Variants in KCNH5 observed in about 807,000 individuals in gnomAD.
The protein encoded by KCNH5 is voltage-gated delayed rectifier potassium channel KCNH5.
In KCNH5, 46 loss-of-function variants were observed where a neutral mutation model predicts 96.1. The ratio of observed to expected loss-of-function variants is 0.48; its 90% confidence interval spans 0.38 to 0.61. The LOEUF (loss-of-function observed/expected upper bound fraction) is 0.61. Ranked by LOEUF, KCNH5 falls within the 20% of genes least tolerant of loss-of-function variation. The pLI is 0.00. For synonymous variants in KCNH5, 439 were observed against 449.8 expected (o/e 0.98, Z 0.30); for missense variants, 907 against 1,225.8 (o/e 0.74, Z 3.88).
intron 6 of KCNH5, among the ~76,000 whole-genome samples, chr14:62,964,134 T>C (rs1037007834): frequency 6.6e-6 from 1 of 152,104 alleles, no homozygotes; most frequent in South Asian, 2.1e-4. Context: ...TCCTTCCTTT[T>C]TTCAGGCTCA....
At position 62,752,168 on chromosome 14, in the gene KCNH5, T is replaced by C. The variant is rs571018814; in HGVS notation, c.2019+27560A>G. On this transcript the variant is annotated intron_variant, in intron 10 of 10. Coordinates refer to ENST00000322893, the MANE Select transcript of KCNH5 (RefSeq NM_139318.5). Reference sequence around the variant, plus strand: ...TGGAACTGCAATACCTCTTGCCTGATAGTGTATATTATGGTTTGGGTTGTG... The same window carrying C: ...TGGAACTGCAATACCTCTTGCCTGACAGTGTATATTATGGTTTGGGTTGTG... Among the ~76,000 whole-genome samples the C allele has an allele frequency of 4.6e-5, 7 of 152,204 alleles. No homozygotes were observed. In the South Asian group the frequency reaches 1.5e-3, roughly 32 times the overall value.
intron 8 of KCNH5, among the ~76,000 whole-genome samples, chr14:62,807,891 T>C (rs1886799815): frequency 6.6e-6 from 1 of 152,150 alleles, no homozygotes; most frequent in Non-Finnish European, 1.5e-5. Context: ...GCCTCCTAAA[T>C]GCTTCATAAA....
intron 4 of KCNH5, among the ~76,000 whole-genome samples, chr14:63,000,599 A>G (rs1890992046): frequency 6.6e-6 from 1 of 152,220 alleles, no homozygotes. Context: ...AACAGAATAA[A>G]TAAAAACTGA....
intron 6 of KCNH5, among the ~76,000 whole-genome samples, chr14:62,959,199 T>C (rs1890161836): frequency 6.6e-6 from 1 of 152,078 alleles, no homozygotes; most frequent in Non-Finnish European, 1.5e-5. Flanking sequence ...TACCCACAAC[T>C]CGGCTAGAGT....
At chr14:62,951,244 C>G (rs954328275) in intron 6 of KCNH5, among the ~76,000 whole-genome samples, 3 of 152,170 alleles carry the variant, frequency 2.0e-5, no homozygotes, top group Non-Finnish European at 4.4e-5. Context: ...AAAAAAAGAA[C>G]AGCAGCCGGA....
intron 8 of KCNH5, among the ~76,000 whole-genome samples, chr14:62,825,944 A>G (rs1887215316): frequency 6.6e-6 from 1 of 152,056 alleles, no homozygotes; most frequent in Non-Finnish European, 1.5e-5. Flanking sequence ...GATCAAATAT[A>G]CAGTTTAAAA....
At chr14:62,792,307 G>A (rs1595624304) in intron 9 of KCNH5, among the ~76,000 whole-genome samples, 4 of 151,534 alleles carry the variant, frequency 2.6e-5, no homozygotes, top group Admixed American at 2.6e-4. Flanking sequence ...AAAAAAATAA[G>A]TGATTTAGCT....
intron 10 of KCNH5, among the ~76,000 whole-genome samples, chr14:62,771,392 C>A (rs1406382293): frequency 1.3e-5 from 2 of 151,954 alleles, no homozygotes; most frequent in African/African-American, 2.4e-5. Context: ...TTTGGGAGGC[C>A]GAGGTGGGCA....
At chr14:62,709,018 G>A (rs1048147856) in intron 10 of KCNH5, among the ~76,000 whole-genome samples, 3 of 151,712 alleles carry the variant, frequency 2.0e-5, no homozygotes, top group Non-Finnish European at 2.9e-5. Flanking sequence ...GGCCGAGGCG[G>A]GCGGACCACG....
chr14:62,756,386 A>G (rs34567026), intron 10 of KCNH5, among the ~76,000 whole-genome samples: 38,728 of 152,030 alleles, frequency 0.25, 6,235 homozygotes, highest in South Asian at 0.54. Context: ...AAAGCCATCT[A>G]TGGATTCAAC....
intron 1 of KCNH5, among the ~76,000 whole-genome samples, chr14:63,031,776 G>A (rs1257263009): frequency 3.3e-5 from 5 of 152,048 alleles, no homozygotes; most frequent in Non-Finnish European, 2.9e-5. Flanking sequence ...ATACAAAAGG[G>A]TAAATATGGA....
intron 7 of KCNH5, among the ~76,000 whole-genome samples, chr14:62,902,737 G>A (rs918607436): frequency 4.9e-5 from 7 of 143,314 alleles, no homozygotes; most frequent in Non-Finnish European, 9.0e-5. Flanking sequence ...TTTTTTTCTC[G>A]AGACAAGAGC....
rs1315731300 is a variant in KCNH5 at position 62,918,113 on chromosome 14, T to C, written c.1369+32020A>G. ...GATGAGCCATGGGAAGTTTAAGGTA[T>C]TCTCTTTGCCTCATTTTCCTCATCT... On this transcript the variant is annotated intron_variant, in intron 7 of 10. Transcript: ENST00000322893. Among the ~76,000 whole-genome samples the C allele has an allele frequency of 2.0e-5, 3 of 152,298 alleles. No individual in the cohort carries two copies. In the East Asian group the frequency reaches 5.8e-4, roughly 29 times the overall value.
intron 7 of KCNH5, among the ~76,000 whole-genome samples, chr14:62,920,600 C>T (rs1164687446): frequency 6.6e-6 from 1 of 152,058 alleles, no homozygotes; most frequent in Non-Finnish European, 1.5e-5. Context: ...TTAAAAATCA[C>T]TAGATTCAGT....
At chr14:62,892,522 C>G (rs1888731157) in intron 7 of KCNH5, among the ~76,000 whole-genome samples, 1 of 152,178 alleles carries the variant, frequency 6.6e-6, no homozygotes, top group African/African-American at 2.4e-5. Context: ...GCCAAGATGC[C>G]TGGTAAAAAT....
At chr14:62,863,810 T>C (rs954646028) in intron 7 of KCNH5, among the ~76,000 whole-genome samples, 5 of 152,182 alleles carry the variant, frequency 3.3e-5, no homozygotes, top group Admixed American at 1.3e-4. Context: ...TGGGGATCTC[T>C]AGGCACAGAT....
At chr14:62,990,717 A>G (rs1424201236) in intron 4 of KCNH5, among the ~76,000 whole-genome samples, 2 of 152,004 alleles carry the variant, frequency 1.3e-5, no homozygotes, top group African/African-American at 2.4e-5. Flanking sequence ...ATCCTTGTGT[A>G]TTAGTCCGTT....
intron 7 of KCNH5, among the ~76,000 whole-genome samples, chr14:62,947,714 G>GACACACACACACACAC (rs373941818): frequency 9.0e-4 from 134 of 149,612 alleles, no homozygotes; most frequent in African/African-American, 3.1e-3. Flanking sequence ...GGACAGCTTA[G>GACACACACACACACAC]ACACACACAC....
intron 10 of KCNH5, among the ~76,000 whole-genome samples, chr14:62,716,394 A>G (rs1182436610): frequency 1.3e-5 from 2 of 152,124 alleles, no homozygotes; most frequent in Non-Finnish European, 2.9e-5. Context: ...ATAAAATCCA[A>G]ACTCCTTAGT....
Sources: gnomAD v4.1 joint callset for allele counts (sites outside exome capture counted in the v4.1 genomes callset) on GRCh38, gnomAD v4.1.1 for gene constraint, MANE v1.5 for transcripts, NCBI Gene and HGNC (gene_info 2026-07-23, HGNC 2026-07-21) for gene names.